ANKRD28: variants seen among roughly 807,000 people sequenced by gnomAD.
ANKRD28 encodes ankyrin repeat domain 28.
Under a neutral mutation model 126.5 loss-of-function variants are expected in ANKRD28, and 44 were observed. That is an observed-to-expected ratio of 0.35 (90% confidence interval 0.27 to 0.45). ANKRD28 has a LOEUF of 0.45. ANKRD28 is among the 20% of genes least tolerant of loss of function. The pLI, the probability that ANKRD28 is intolerant of heterozygous loss-of-function variation, is 1.00. For missense variants in ANKRD28, 1,110 were observed against 1,316.6 expected (o/e 0.84, Z 2.43); for synonymous variants, 442 against 468.5 (o/e 0.94, Z 0.73).
intron 21 of ANKRD28, 66 bp downstream of exon 21, chr3:15,685,160 T>A: frequency 6.4e-7 from 1 of 1,562,446 alleles, no homozygotes; most frequent in Non-Finnish European, 8.8e-7. Flanking sequence ...ATTTGCCTTA[T>A]AAATATGTCA....
chr3:15,802,518 C>T (rs1005603320), upstream of ANKRD28, among the ~76,000 whole-genome samples: 5 of 152,108 alleles, frequency 3.3e-5, no homozygotes, highest in African/African-American at 9.7e-5. Flanking sequence ...TCCTTCGAGC[C>T]CTGTTCTTCC....
rs1300552078 is a variant in ANKRD28, at chr3:15,765,824, ACTCCAT to A, written c.280+404_280+409del. On this transcript the variant is annotated intron_variant, in intron 3 of 27. Coordinates refer to ENST00000683139, the MANE Select transcript of ANKRD28 (RefSeq NM_001349278.2). ...CACTATACCCTGGCAACAGAGCGAGACTCCATCTCAAAAACCAAAAACCAAAAAAAA... is the reference window on the plus strand; with the variant it reads ...CACTATACCCTGGCAACAGAGCGAGACTCAAAAACCAAAAACCAAAAAAAA... Among the ~76,000 whole-genome samples, 4 of 144,092 alleles carry A rather than the reference ACTCCAT, an allele frequency of 2.8e-5. No individual in the cohort carries two copies. The Admixed American group carries it at 2.9e-4, about 10-fold the overall frequency. The allele number at this position is 144,092 out of a possible 152,430, so 94.5% of individuals were successfully genotyped here. A position where few individuals can be genotyped will look rare whatever the true frequency, so the allele number is the denominator to read the frequency against.
rs554584271 is a variant in ANKRD28, at chr3:15,839,412, G to A, written c.27+19965C>T. On this transcript the variant is annotated intron_variant, in intron 1 of 27. Coordinates refer to the ANKRD28 transcript ENST00000399451. This position sits in a 1 kb window ranked among gnomAD's most constrained non-coding sequence, Gnocchi z 4.3. Reference sequence around the variant, plus strand: ...TTACAGCTGGAGAGAACCAAAGTGGGTAAAAGGGAAGATTTTCTGACATGT... The same window carrying A: ...TTACAGCTGGAGAGAACCAAAGTGGATAAAAGGGAAGATTTTCTGACATGT... 6.6e-5 allele frequency among the ~76,000 whole-genome samples: 10 copies of A among 152,210 alleles called. No homozygotes were observed. Among genetic ancestry groups the A allele is most frequent in the South Asian group, 4.1e-4 (2 of 4,830 alleles).
At position 15,730,610 on chromosome 3, in the gene ANKRD28, T is replaced by C. The variant is rs1348943909; in HGVS notation, c.640+4800A>G. Among the ~76,000 whole-genome samples the C allele has an allele frequency of 2.6e-5, 4 of 152,208 alleles. No individual in the cohort carries two copies. In the South Asian group the frequency reaches 6.2e-4, roughly 24 times the overall value. On this transcript the variant is annotated intron_variant, in intron 6 of 27. Transcript: ENST00000683139. Reference sequence around the variant, plus strand: ...GTCTGTAAGAGAGGTGACCAGTCAATAGCTTCTTACTTTCACATATTTAAC... The same window carrying C: ...GTCTGTAAGAGAGGTGACCAGTCAACAGCTTCTTACTTTCACATATTTAAC...
chr3:15,788,408 G>A (rs931474783), intron 2 of ANKRD28, among the ~76,000 whole-genome samples: 4 of 152,012 alleles, frequency 2.6e-5, no homozygotes, highest in East Asian at 3.8e-4. Flanking sequence ...CTATTAAGTC[G>A]GACATGGGTT....
chr3:15,749,460 A>G (rs2057727791), intron 4 of ANKRD28, among the ~76,000 whole-genome samples: 2 of 152,310 alleles, frequency 1.3e-5, no homozygotes, highest in South Asian at 4.1e-4. Context: ...TGTCTCCTTA[A>G]TTAGCTTAAT....
chr3:15,795,824 C>T (rs1029329875), intron 1 of ANKRD28, among the ~76,000 whole-genome samples: 24 of 152,062 alleles, frequency 1.6e-4, no homozygotes, highest in Non-Finnish European at 5.9e-5. Context: ...CCAAAAAATA[C>T]TGGATACTTA....
chr3:15,835,372 T>A (rs1474675217), intron 1 of ANKRD28, among the ~76,000 whole-genome samples: 2 of 152,166 alleles, frequency 1.3e-5, no homozygotes, highest in South Asian at 2.1e-4. Context: ...ATTTTATGCC[T>A]ACAAGAAAAC....
At chr3:15,722,774 G>A (rs2073859135) in intron 7 of ANKRD28, among the ~76,000 whole-genome samples, 1 of 152,054 alleles carries the variant, frequency 6.6e-6, no homozygotes, top group South Asian at 2.1e-4. Flanking sequence ...TTTTTCACAA[G>A]AAGGTAGAAC....
intron 7 of ANKRD28, among the ~76,000 whole-genome samples, chr3:15,723,250 A>G (rs2073910048): frequency 1.3e-5 from 2 of 152,226 alleles, no homozygotes; most frequent in Non-Finnish European, 2.9e-5. Flanking sequence ...TGCTTCAGGC[A>G]AAGTGTTTCA....
intron 17 of ANKRD28, among the ~76,000 whole-genome samples, chr3:15,692,193 T>C (rs1044325631): frequency 1.4e-5 from 2 of 146,868 alleles, no homozygotes; most frequent in African/African-American, 5.0e-5. Context: ...CACTCACACC[T>C]ATATCTCAGC....
intron 1 of ANKRD28, among the ~76,000 whole-genome samples, chr3:15,828,093 T>C (rs923011948): frequency 1.3e-5 from 2 of 152,108 alleles, no homozygotes; most frequent in Admixed American, 1.3e-4. Flanking sequence ...TGAAAGTTAT[T>C]TAGAGTTAAT....
In ANKRD28 at chr3:15,859,483, G is replaced by A. The variant is rs1218376346; in HGVS notation, c.-80C>T. On this transcript the variant is annotated 5_prime_UTR_variant, in exon 1 of 28. Coordinates refer to the ANKRD28 transcript ENST00000399451. The stretch of plus-strand genomic sequence containing the variant: ...CGCCGCCGACCGGCCCACTGCTCCC[G>A]CCCCAGTAGCCTTGGCCGCTGCCCG... 3.8e-6 allele frequency: 5 copies of A among 1,316,062 alleles called. No homozygotes were observed. The African/African-American group carries it at 4.7e-5, about 12-fold the overall frequency. 81.5% of individuals were successfully genotyped at this position (1,316,062 alleles called of 1,614,324 possible). A position where few individuals can be genotyped will look rare whatever the true frequency, so the allele number is the denominator to read the frequency against.
At chr3:15,727,668 T>C (rs535520905) in intron 6 of ANKRD28, among the ~76,000 whole-genome samples, 1 of 151,808 alleles carries the variant, frequency 6.6e-6, no homozygotes, top group East Asian at 1.9e-4. Flanking sequence ...AAGAAGTTGA[T>C]TCCAACCCTC....
chr3:15,737,922 A>G (rs1308810056), intron 4 of ANKRD28, among the ~76,000 whole-genome samples: 3 of 151,350 alleles, frequency 2.0e-5, no homozygotes, highest in Admixed American at 2.0e-4. Context: ...AAGACACAAC[A>G]TAGACAAGGT....
chr3:15,678,523 T>C (rs191636348), intron 23 of ANKRD28, among the ~76,000 whole-genome samples, 169 bp from the exon 24 acceptor site: 7 of 152,354 alleles, frequency 4.6e-5, no homozygotes, highest in Non-Finnish European at 7.3e-5. Flanking sequence ...ATTTCTCTCA[T>C]AGAAATTTGT....
At chr3:15,731,828 C>A (rs1379794728) in intron 6 of ANKRD28, 2 of 92,834 alleles carry the variant, frequency 2.2e-5, no homozygotes, top group African/African-American at 4.5e-5. Context: ...CCAGCCTGGA[C>A]AACAAGGGTG....
intron 14 of ANKRD28, among the ~76,000 whole-genome samples, chr3:15,698,311 TC>T (rs2069992894): frequency 6.6e-6 from 1 of 152,140 alleles, no homozygotes; most frequent in South Asian, 2.1e-4. Flanking sequence ...CTGGAAGCAT[TC>T]CCTTTGAAAA....
At chr3:15,836,596 A>G (rs762019914) in intron 1 of ANKRD28, among the ~76,000 whole-genome samples, 8 of 152,192 alleles carry the variant, frequency 5.3e-5, no homozygotes, top group Admixed American at 2.6e-4. Flanking sequence ...CTTTAGATTC[A>G]AAGACACAAG....
Sources: allele counts gnomAD v4.1 joint callset (sites outside exome capture counted in the v4.1 genomes callset), GRCh38; gene constraint gnomAD v4.1.1; non-coding constraint Gnocchi (gnomAD v3.1); transcripts MANE v1.5; gene names NCBI Gene and HGNC (gene_info 2026-07-23, HGNC 2026-07-21).